Variants in RAPH1 observed in about 807,000 individuals in gnomAD.
The protein encoded by RAPH1 is Ras association (RalGDS/AF-6) and pleckstrin homology domains 1.
Under a neutral mutation model 88.1 loss-of-function variants are expected in RAPH1, and 18 were observed. That is an observed-to-expected ratio of 0.20 (90% CI 0.14 to 0.30). RAPH1 has a LOEUF of 0.30. RAPH1 is among the 10% of genes least tolerant of loss of function. RAPH1 has a pLI of 1.00. For synonymous variants in RAPH1, 587 were observed against 559.0 expected (o/e 1.05, Z -0.71); for missense variants, 1,448 against 1,543.2 (o/e 0.94, Z 1.03).
chr2:203,463,675 A>T (rs145338003), intron 4 of RAPH1, among the ~76,000 whole-genome samples: 121 of 152,352 alleles, frequency 7.9e-4, no homozygotes, highest in African/African-American at 2.7e-3. Flanking sequence ...TTTAAAATGG[A>T]GAGGGCTAAG....
In RAPH1 at chr2:203,440,239, C is replaced by T. The variant is rs765972692; in HGVS notation, c.2951G>A (p.Ser984Asn). 1.1e-5 allele frequency: 17 copies of T among 1,613,860 alleles called. No individual in the cohort carries two copies. Among genetic ancestry groups the T allele is most frequent in the Non-Finnish European group, 1.4e-5 (17 of 1,180,004 alleles). Residue 984 changes from serine (S) to asparagine (N), a missense_variant, in exon 14 of 14, where the codon AGC becomes AAC. This residue lies in a region of RAPH1 where 935 missense variants were observed against 890.1 expected (regional missense o/e 1.05). Transcript: ENST00000319170. Reference sequence around the variant, plus strand: ...GGGCTCGGGGTGCTCTGCACCACTGCTGGATTTAATGCTGGAGTTGCGCTG... The same window carrying T: ...GGGCTCGGGGTGCTCTGCACCACTGTTGGATTTAATGCTGGAGTTGCGCTG... ...TPQRNSSIKS[S>N]SGAEHPEPKR...
chr2:203,453,257 C>T (rs1406670050), intron 10 of RAPH1, among the ~76,000 whole-genome samples: 1 of 151,960 alleles, frequency 6.6e-6, no homozygotes, highest in Non-Finnish European at 1.5e-5. Flanking sequence ...TAAAAGGTTA[C>T]CATTATGGCC....
rs1559447619 is a variant in RAPH1 at position 203,444,982 on chromosome 2, A to G, written c.1662T>C (p.Ser554=). The G allele has an allele frequency of 7.4e-6, 12 of 1,614,030 alleles. No individual in the cohort carries two copies. The highest frequency in any genetic ancestry group is 9.3e-6 in the Non-Finnish European group (11 of 1,180,020). Residue 554 remains serine (S), a synonymous_variant, in exon 13 of 14, where the codon TCT becomes TCC. Transcript: ENST00000319170. ...PESQSNHSNQ[S]DSGVSDTQPA... Reference sequence around the variant, plus strand: ...GCTGGGTGTCAGAAACTCCGCTATCAGACTGATTGGAGTGGTTTGACTGAG... The same window carrying G: ...GCTGGGTGTCAGAAACTCCGCTATCGGACTGATTGGAGTGGTTTGACTGAG...
At chr2:203,466,313 T>A (rs906989925) in intron 4 of RAPH1, among the ~76,000 whole-genome samples, 1 of 152,216 alleles carries the variant, frequency 6.6e-6, no homozygotes, top group Non-Finnish European at 1.5e-5. Context: ...TTATGCTTCC[T>A]GTGGGTAATA....
chr2:203,441,488 T>C (rs2098504104), intron 13 of RAPH1, 75 bp from the exon 14 acceptor site: 7 of 1,452,896 alleles, frequency 4.8e-6, no homozygotes, highest in Non-Finnish European at 5.4e-6. Context: ...TAAGCTTTGA[T>C]TGTGTAAAAC....
chr2:203,443,461 T>C (rs1343927284), intron 13 of RAPH1: 1 of 152,062 alleles, frequency 6.6e-6, no homozygotes, highest in East Asian at 1.9e-4. Flanking sequence ...CTGAAGAACC[T>C]CTCTATTTTC....
intron 4 of RAPH1, among the ~76,000 whole-genome samples, chr2:203,483,961 A>G (rs1687844847): frequency 6.6e-6 from 1 of 152,126 alleles, no homozygotes; most frequent in Non-Finnish European, 1.5e-5. Context: ...ACTTGGACTA[A>G]GTCACACTAC....
chr2:203,506,867 T>TATAG (rs1559494929), intron 1 of RAPH1, among the ~76,000 whole-genome samples: 5 of 40,836 alleles, frequency 1.2e-4, no homozygotes, highest in African/African-American at 2.2e-4. Context: ...TATATATATA[T>TATAG]ATATATATAT....
intron 2 of RAPH1, among the ~76,000 whole-genome samples, chr2:203,494,635 C>T (rs1014796539): frequency 5.9e-5 from 9 of 151,742 alleles, no homozygotes; most frequent in Non-Finnish European, 1.2e-4. Context: ...AGTGAAACCC[C>T]GTCTCTACTA....
At chr2:203,455,877 C>T (rs978791371) in intron 8 of RAPH1, among the ~76,000 whole-genome samples, 4 of 150,010 alleles carry the variant, frequency 2.7e-5, no homozygotes, top group African/African-American at 4.9e-5. Flanking sequence ...GGCATGGTGG[C>T]GCGAGCCTGT....
intron 7 of RAPH1, among the ~76,000 whole-genome samples, chr2:203,459,444 AT>A (rs2098522609): frequency 6.6e-6 from 1 of 152,218 alleles, no homozygotes; most frequent in Non-Finnish European, 1.5e-5. Flanking sequence ...AAATCAAAGT[AT>A]GTTTATTAGA....
chr2:203,513,748 T>C (rs1218120239), intron 1 of RAPH1, among the ~76,000 whole-genome samples: 3 of 148,722 alleles, frequency 2.0e-5, no homozygotes, highest in Admixed American at 2.0e-4. Context: ...GGCAGGAGAA[T>C]TGCTTAAGCC....
intron 7 of RAPH1, among the ~76,000 whole-genome samples, chr2:203,459,508 A>G (rs1348137281): frequency 6.6e-6 from 1 of 152,220 alleles, no homozygotes; most frequent in East Asian, 1.9e-4. Context: ...AGTAATTCCA[A>G]AAGAAGTGTC....
At chr2:203,515,604 G>A (rs1013527656) in intron 1 of RAPH1, among the ~76,000 whole-genome samples, 15 of 152,186 alleles carry the variant, frequency 9.9e-5, no homozygotes, top group African/African-American at 3.6e-4. Flanking sequence ...CTGGTTATTA[G>A]ACCACTTGAG....
At chr2:203,450,083 A>G (rs2098513512) in intron 10 of RAPH1, among the ~76,000 whole-genome samples, 1 of 152,076 alleles carries the variant, frequency 6.6e-6, no homozygotes, top group African/African-American at 2.4e-5. Flanking sequence ...TAGTTTTCCA[A>G]AATTCCCCAA....
intron 4 of RAPH1, among the ~76,000 whole-genome samples, chr2:203,485,272 G>A (rs1323766487): frequency 1.3e-5 from 2 of 152,132 alleles, no homozygotes; most frequent in East Asian, 1.9e-4. Flanking sequence ...TTAGCCAGGC[G>A]TGGTGGCATG....
rs1559438455 is a variant in RAPH1 at position 203,439,876 on chromosome 2, T to C, written c.3314A>G (p.Asn1105Ser). 6.2e-7 allele frequency: 1 copy of C among 1,613,828 alleles called. No individual in the cohort carries two copies. The highest frequency in any genetic ancestry group is 8.5e-7 in the Non-Finnish European group (1 of 1,179,960). Residue 1105 changes from asparagine to serine, a missense_variant, in exon 14 of 14, where the codon AAT (asparagine) becomes AGT (serine). By Grantham distance (46) the Asn-to-Ser change is conservative (BLOSUM62 1). Transcript: ENST00000319170. The part of the protein sequence containing the change: ...GNTSPKVAVV[N>S]PQPQQWSKMS... Reference sequence around the variant, plus strand: ...TTTAGACCATTGTTGTGGTTGAGGATTAACGACTGCCACTTTTGGAGAGGT... The same window carrying C: ...TTTAGACCATTGTTGTGGTTGAGGACTAACGACTGCCACTTTTGGAGAGGT...
At chr2:203,443,435 A>G (rs1191374753) in intron 13 of RAPH1, 1 of 152,186 alleles carries the variant, frequency 6.6e-6, no homozygotes, top group East Asian at 1.9e-4. Context: ...GAAGGCCATG[A>G]TGTCTTTCAA....
chr2:203,506,795 T>TAG (rs1491364238), intron 1 of RAPH1, among the ~76,000 whole-genome samples: 5 of 115,704 alleles, frequency 4.3e-5, no homozygotes, highest in African/African-American at 1.5e-4. Context: ...TATATATATC[T>TAG]ATATATATAT....
Sources: gnomAD v4.1 joint callset for allele counts (sites outside exome capture counted in the v4.1 genomes callset) on GRCh38, gnomAD v4.1.1 for gene constraint, gnomAD v4.1.1 regional missense constraint, MANE v1.5 for transcripts, NCBI Gene and HGNC (gene_info 2026-07-23, HGNC 2026-07-21) for gene names.